The following GPC5 variants were observed in gnomAD, a reference collection of about 807,000 sequenced individuals.
The protein encoded by GPC5 is glypican-5.
A neutral mutation model predicts 53.9 loss-of-function variants in GPC5; 47 were observed. The observed-to-expected ratio is 0.87, with a 90% CI of 0.69 to 1.11. The LOEUF (loss-of-function observed/expected upper bound fraction) is 1.11, where lower values mean the gene tolerates loss of function less well. Among genes scored for constraint, GPC5 ranks in the 50% most tolerant of loss-of-function variants. The pLI is 0.00. For missense variants in GPC5, 748 were observed against 713.1 expected (o/e 1.05, Z -0.56); for synonymous variants, 286 against 263.3 (o/e 1.09, Z -0.84).
chr13:92,445,925 A>G (rs1030779753), intron 7 of GPC5, among the ~76,000 whole-genome samples: 1 of 152,048 alleles, frequency 6.6e-6, no homozygotes, highest in African/African-American at 2.4e-5. Context: ...CCACTGTGCC[A>G]GGCAGTATCA....
At chr13:92,385,409 CACAT>C (rs66799903) in intron 7 of GPC5, among the ~76,000 whole-genome samples, 15,738 of 66,976 alleles carry the variant, frequency 0.23, 2,941 homozygotes, top group Non-Finnish European at 0.31. Context: ...CACATATATA[CACAT>C]ATATATACAT....
chr13:92,098,570 AG>A (rs2041439921), intron 6 of GPC5, among the ~76,000 whole-genome samples: 2 of 152,206 alleles, frequency 1.3e-5, no homozygotes, highest in African/African-American at 4.8e-5. Context: ...AGTTTGTAAA[AG>A]GCAGAAAAAA....
chr13:92,072,063 T>G (rs2041215927), intron 6 of GPC5, among the ~76,000 whole-genome samples: 2 of 146,218 alleles, frequency 1.4e-5, no homozygotes, highest in Non-Finnish European at 3.0e-5. Flanking sequence ...TATATTTTAT[T>G]TATATATATA....
chr13:92,111,306 C>T (rs1400591093), intron 6 of GPC5, among the ~76,000 whole-genome samples: 1 of 152,066 alleles, frequency 6.6e-6, no homozygotes, highest in Non-Finnish European at 1.5e-5. Context: ...CATACAACAG[C>T]TGAGATTTCT....
intron 7 of GPC5, among the ~76,000 whole-genome samples, chr13:92,531,539 A>C (rs1017346011): frequency 6.6e-6 from 1 of 152,156 alleles, no homozygotes; most frequent in Non-Finnish European, 1.5e-5. Flanking sequence ...CTTTTTATAT[A>C]TAAAGATACA....
At chr13:91,568,978 T>G (rs951265929) in intron 2 of GPC5, among the ~76,000 whole-genome samples, 1 of 152,110 alleles carries the variant, frequency 6.6e-6, no homozygotes, top group Non-Finnish European at 1.5e-5. Context: ...CTTAAACTCT[T>G]GACTTCAGGT....
intron 6 of GPC5, among the ~76,000 whole-genome samples, chr13:92,115,230 C>G (rs1018679671): frequency 6.6e-6 from 1 of 152,176 alleles, no homozygotes; most frequent in African/African-American, 2.4e-5. Context: ...CAATTCTGGC[C>G]AGGTGTGGTG....
At chr13:92,384,578 T>C (rs2139312589) in intron 7 of GPC5, among the ~76,000 whole-genome samples, 2 of 152,284 alleles carry the variant, frequency 1.3e-5, no homozygotes, top group South Asian at 2.1e-4. Context: ...ACCTTTTCTC[T>C]TCCTTTAAAC....
chr13:92,614,661 C>A (rs1884622816), intron 7 of GPC5, among the ~76,000 whole-genome samples: 1 of 152,056 alleles, frequency 6.6e-6, no homozygotes, highest in Non-Finnish European at 1.5e-5. Flanking sequence ...AAATTAGGGG[C>A]CTCTGGATTC....
At chr13:92,403,604 G>A (rs1875658122) in intron 7 of GPC5, among the ~76,000 whole-genome samples, 1 of 152,194 alleles carries the variant, frequency 6.6e-6, no homozygotes, top group African/African-American at 2.4e-5. Flanking sequence ...TCCCCCAACA[G>A]TCTGTGGAAA....
chr13:92,359,088 T>C (rs1015449484), intron 7 of GPC5, among the ~76,000 whole-genome samples: 1 of 151,792 alleles, frequency 6.6e-6, no homozygotes, highest in African/African-American at 2.4e-5. Context: ...TTTCAGATTA[T>C]CTCTTTGCTC....
Position 91,577,604 on chromosome 13 carries a change from C to T in GPC5, c.326-115583C>T, listed in dbSNP as rs185864431. On this transcript the variant is annotated intron_variant, in intron 2 of 7. Coordinates refer to ENST00000377067, the MANE Select transcript of GPC5 (RefSeq NM_004466.6). ...TCCATGTAATGTGCCAGAACATTCA[C>T]ATTGCATGTTTTCCTTACTGTGGCA... 2.7e-3 allele frequency among the ~76,000 whole-genome samples: 411 copies of T among 152,304 alleles called. 4 individuals carry two copies. The Middle Eastern group carries it at 0.027, about 10-fold the overall frequency.
intron 6 of GPC5, among the ~76,000 whole-genome samples, chr13:92,111,331 A>G (rs181355720): frequency 2.0e-5 from 3 of 152,216 alleles, no homozygotes; most frequent in Admixed American, 6.6e-5. Context: ...ACTCATACCC[A>G]TGCCAAGTAG....
rs574572370 is a variant in GPC5 at position 92,440,904 on chromosome 13, C to A, written c.1561+295915C>A. On this transcript the variant is annotated intron_variant, in intron 7 of 7. Coordinates refer to ENST00000377067, the MANE Select transcript of GPC5 (RefSeq NM_004466.6). ...TATCTTCTTTTGAGAAGTGTCTGTC[C>A]ATGACCTTTTGTTGATTTATTTAGG... is the stretch of plus-strand genomic sequence containing the variant. 4.6e-5 allele frequency among the ~76,000 whole-genome samples: 7 copies of A among 152,132 alleles called. No individual in the cohort carries two copies. The South Asian group carries it at 1.5e-3, about 32-fold the overall frequency.
At chr13:92,726,149 G>A (rs775776079) in intron 7 of GPC5, among the ~76,000 whole-genome samples, 26 of 151,552 alleles carry the variant, frequency 1.7e-4, no homozygotes, top group South Asian at 8.3e-4. Flanking sequence ...CCTGGAAAAG[G>A]TGATGCTTTT....
intron 5 of GPC5, among the ~76,000 whole-genome samples, chr13:91,860,085 T>G (rs1016367889): frequency 2.6e-5 from 4 of 152,104 alleles, no homozygotes; most frequent in Non-Finnish European, 5.9e-5. Context: ...TTCAATATCC[T>G]TTGCTAACTA....
At chr13:91,607,927 T>G (rs1299912266) in intron 2 of GPC5, among the ~76,000 whole-genome samples, 5 of 152,214 alleles carry the variant, frequency 3.3e-5, no homozygotes, top group Non-Finnish European at 7.4e-5. Context: ...TCCCCGATTT[T>G]CTGAGTAATG....
At chr13:91,821,677 A>T (rs184036932) in intron 5 of GPC5, among the ~76,000 whole-genome samples, 1 of 152,230 alleles carries the variant, frequency 6.6e-6, no homozygotes, top group African/African-American at 2.4e-5. Context: ...GGATTTTCTC[A>T]ATCTATTGGA....
At position 91,918,327 on chromosome 13, in the gene GPC5, G is replaced by A. The variant is rs1385269291; in HGVS notation, c.1401+10270G>A. 3.9e-4 allele frequency among the ~76,000 whole-genome samples: 59 copies of A among 152,092 alleles called. 1 individual carries two copies. Among genetic ancestry groups the A allele is most frequent in the Non-Finnish European group, 7.6e-4 (52 of 68,014 alleles). ...TAATTCAAGATGAGATTTTGGGTGA[G>A]GACACAGCCAAGCCATATCATATAT... is the stretch of plus-strand genomic sequence containing the variant. On this transcript the variant is annotated intron_variant, in intron 6 of 7. Coordinates refer to ENST00000377067, the MANE Select transcript of GPC5 (RefSeq NM_004466.6).
Sources: allele counts gnomAD v4.1 joint callset (sites outside exome capture counted in the v4.1 genomes callset), GRCh38; gene constraint gnomAD v4.1.1; transcripts MANE v1.5; gene names NCBI Gene and HGNC (gene_info 2026-07-23, HGNC 2026-07-21).